GALNT11: variants seen among roughly 807,000 people sequenced by gnomAD.
GALNT11 encodes UDP-GalNAc:polypeptide N-acetylgalactosaminyltransferase 11.
In GALNT11, 47 loss-of-function variants were observed where a neutral mutation model predicts 72.7. The observed-to-expected ratio is 0.65, with a 90% CI of 0.51 to 0.82. GALNT11 has a LOEUF of 0.82. Among genes scored for constraint, GALNT11 ranks in the 40% least tolerant of loss-of-function variants. The pLI, the probability that GALNT11 is intolerant of heterozygous loss-of-function variation, is 0.00. For synonymous variants in GALNT11, 270 were observed against 286.6 expected (o/e 0.94, Z 0.58); for missense variants, 677 against 778.4 (o/e 0.87, Z 1.55).
At chr7:152,036,199 AT>A (rs1314267219) in intron 1 of GALNT11, among the ~76,000 whole-genome samples, 1 of 152,128 alleles carries the variant, frequency 6.6e-6, no homozygotes, top group East Asian at 1.9e-4. Context: ...TATGCATTCT[AT>A]TTAACTATAT....
chr7:152,111,614 C>T (rs1262059061), intron 7 of GALNT11, among the ~76,000 whole-genome samples: 4 of 149,460 alleles, frequency 2.7e-5, no homozygotes, highest in African/African-American at 1.0e-4. Flanking sequence ...TGTTATTCCA[C>T]TCTGTGTGTG....
intron 2 of GALNT11, among the ~76,000 whole-genome samples, chr7:152,096,714 CAAAAAAA>C (rs768326363): frequency 5.0e-5 from 3 of 60,098 alleles, no homozygotes; most frequent in Admixed American, 3.6e-4. Context: ...GACTCTGTCT[CAAAAAAA>C]AAAAAAAAAA....
chr7:152,109,308 A>G (rs1445690685), intron 6 of GALNT11, among the ~76,000 whole-genome samples: 1 of 152,242 alleles, frequency 6.6e-6, no homozygotes, highest in East Asian at 1.9e-4. Flanking sequence ...TAGCAGACAT[A>G]TATGTTCTTT....
rs558439790 is a variant in GALNT11, at chr7:152,037,767, A to AG, written c.-39+11883_-39+11884insG. On this transcript the variant is annotated intron_variant, in intron 1 of 11. Transcript: ENST00000430044. Reference sequence around the variant, plus strand: ...TTTCTTTTTGTGCGTGCATGTCTTCAATTTTTTTTTTCCTTCCTTTTGAGA... The same window carrying AG: ...TTTCTTTTTGTGCGTGCATGTCTTCAGATTTTTTTTTTCCTTCCTTTTGAGA... 3.6e-3 allele frequency among the ~76,000 whole-genome samples: 547 copies of AG among 150,630 alleles called. 4 individuals are homozygous for AG. The highest frequency in any genetic ancestry group is 0.013 in the African/African-American group (525 of 40,224).
At chr7:152,065,825 G>A (rs2084276049) in intron 1 of GALNT11, among the ~76,000 whole-genome samples, 1 of 152,186 alleles carries the variant, frequency 6.6e-6, no homozygotes, top group South Asian at 2.1e-4. Context: ...GGGGTACCCA[G>A]CTATGTGGGG....
At chr7:152,093,552 A>G (rs1008176164) in intron 1 of GALNT11, among the ~76,000 whole-genome samples, 1 of 151,902 alleles carries the variant, frequency 6.6e-6, no homozygotes, top group African/African-American at 2.4e-5. Flanking sequence ...CAGCCTCCCA[A>G]GTAGCTGGGA....
chr7:152,074,363 T>C (rs1274865353), intron 1 of GALNT11: 3 of 152,180 alleles, frequency 2.0e-5, no homozygotes, highest in Non-Finnish European at 4.4e-5. Flanking sequence ...GAATATCCAG[T>C]TTTCCCAGTA....
In GALNT11 at chr7:152,059,647, G is replaced by C. The variant is rs144164829; in HGVS notation, c.-39+33763G>C. Reference sequence around the variant, plus strand: ...TATATATCCATGAGAGTTTTGGGGTGACTAGGTATGTTGTCAGTGAGCAGT... The same window carrying C: ...TATATATCCATGAGAGTTTTGGGGTCACTAGGTATGTTGTCAGTGAGCAGT... On this transcript the variant is annotated intron_variant, in intron 1 of 11. Coordinates refer to ENST00000430044, the MANE Select transcript of GALNT11 (RefSeq NM_022087.4). 1.7e-3 allele frequency among the ~76,000 whole-genome samples: 253 copies of C among 152,302 alleles called. 2 individuals carry two copies. Among genetic ancestry groups the C allele is most frequent in the African/African-American group, 5.8e-3 (240 of 41,564 alleles).
chr7:152,113,798 G>A (rs1052233679), intron 8 of GALNT11, among the ~76,000 whole-genome samples: 6 of 134,130 alleles, frequency 4.5e-5, no homozygotes, highest in Non-Finnish European at 9.4e-5. Flanking sequence ...GTGCAGTGGT[G>A]TGATCACGGC....
chr7:152,040,012 G>A (rs529195776), intron 1 of GALNT11, among the ~76,000 whole-genome samples: 4 of 152,054 alleles, frequency 2.6e-5, no homozygotes, highest in East Asian at 1.9e-4. Flanking sequence ...TGCAACTGCC[G>A]TTTCAGGGAG....
At chr7:152,042,896 G>A (rs2082934455) in intron 1 of GALNT11, among the ~76,000 whole-genome samples, 1 of 152,170 alleles carries the variant, frequency 6.6e-6, no homozygotes. Flanking sequence ...TGAGTGGGTG[G>A]AATTGGCCAC....
rs564447211 is a variant in GALNT11, at chr7:152,106,449, C to CA, written c.712+1089dup. ...GCCCACAGTGACCTGAAGCAATTAA[C>CA]AAAAAAAAAAGAGAAGCAGCTCCTC... On this transcript the variant is annotated intron_variant, in intron 5 of 11. Coordinates refer to ENST00000430044, the MANE Select transcript of GALNT11 (RefSeq NM_022087.4). Among the ~76,000 whole-genome samples the CA allele has an allele frequency of 1.3e-3, 186 of 147,652 alleles. 1 individual carries two copies. The highest frequency in any genetic ancestry group is 7.7e-3 in the East Asian group (39 of 5,076).
intron 7 of GALNT11, 105 bp downstream of exon 7, chr7:152,110,750 A>G: frequency 1.1e-6 from 1 of 913,262 alleles, no homozygotes; most frequent in Non-Finnish European, 1.7e-6. Context: ...TTTTTTTTCG[A>G]GATAGGGTCT....
intron 1 of GALNT11, among the ~76,000 whole-genome samples, chr7:152,041,860 G>A (rs906487401): frequency 1.1e-4 from 16 of 152,160 alleles, no homozygotes; most frequent in Admixed American, 1.3e-4. Context: ...TGGCACAATG[G>A]TAGTGTCATT....
At chr7:152,100,248 T>C (rs2885203) in intron 2 of GALNT11, among the ~76,000 whole-genome samples, 151,126 of 152,134 alleles carry the variant, frequency 0.99, 75,071 homozygotes, top group East Asian at 1. Context: ...AAATTTTTCT[T>C]TTGAATATAA....
At chr7:152,089,182 A>G (rs936274762) in intron 1 of GALNT11, among the ~76,000 whole-genome samples, 7 of 152,078 alleles carry the variant, frequency 4.6e-5, no homozygotes, top group African/African-American at 1.7e-4. Flanking sequence ...GGATGAAATC[A>G]TAGGGGGGTG....
In GALNT11 at chr7:152,069,997, C is replaced by CTTTTTTTTTTTTTT. The variant is rs879494057; in HGVS notation, c.-38-24188_-38-24187insTTTTTTTTTTTTTT. The stretch of plus-strand genomic sequence containing the variant: ...TCTTTCTTTTTTCTTTTTTCTTTTT[C>CTTTTTTTTTTTTTT]TTTTTCTTTTTTTTTTTGAGACAGA... On this transcript the variant is annotated intron_variant, in intron 1 of 11. Coordinates refer to ENST00000430044, the MANE Select transcript of GALNT11 (RefSeq NM_022087.4). Among the ~76,000 whole-genome samples the CTTTTTTTTTTTTTT allele has an allele frequency of 8.4e-5, 12 of 143,436 alleles. 2 individuals carry two copies. The highest frequency in any genetic ancestry group is 2.8e-4 in the African/African-American group (10 of 35,326). The allele number at this position is 143,436 out of a possible 152,430, so 94.1% of individuals were successfully genotyped here. A position where few individuals can be genotyped will look rare whatever the true frequency, so the allele number is the denominator to read the frequency against.
chr7:152,108,312 A>G (rs750222167), intron 6 of GALNT11, 25 bp downstream of exon 6: 8 of 1,587,858 alleles, frequency 5.0e-6, no homozygotes, highest in South Asian at 1.1e-5. Flanking sequence ...TTGTTTGACA[A>G]ATTCCTACCA....
chr7:152,041,020 C>T (rs568435866), intron 1 of GALNT11, among the ~76,000 whole-genome samples: 3 of 152,152 alleles, frequency 2.0e-5, no homozygotes, highest in Non-Finnish European at 2.9e-5. Context: ...TGGCTGTGTT[C>T]GATGGGTGTT....
Sources: gnomAD v4.1 joint callset for allele counts (sites outside exome capture counted in the v4.1 genomes callset) on GRCh38, gnomAD v4.1.1 for gene constraint, MANE v1.5 for transcripts, NCBI Gene and HGNC (gene_info 2026-07-23, HGNC 2026-07-21) for gene names.